Variants in CSMD1 observed in about 807,000 individuals in gnomAD.
CSMD1 encodes the protein CUB and sushi domain-containing protein 1.
CSMD1 carries 213 observed loss-of-function variants against 417.5 expected under a neutral mutation model. That is an observed-to-expected ratio of 0.51 (90% confidence interval 0.46 to 0.57). The LOEUF (loss-of-function observed/expected upper bound fraction) is 0.57, where lower values mean the gene tolerates loss of function less well. Ranked by LOEUF, CSMD1 falls within the 20% of genes least tolerant of loss-of-function variation. CSMD1 has a pLI of 0.00. For synonymous variants in CSMD1, 2,862 were observed against 1,736.8 expected (o/e 1.65, Z -16.11); for missense variants, 6,923 against 4,529.7 (o/e 1.53, Z -15.17).
At chr8:4,058,367 T>G (rs1160971002) in intron 3 of CSMD1, among the ~76,000 whole-genome samples, 1 of 152,156 alleles carries the variant, frequency 6.6e-6, no homozygotes, top group Non-Finnish European at 1.5e-5. Flanking sequence ...ATGCTTGTGA[T>G]TTTTGTCCAT....
intron 1 of CSMD1, among the ~76,000 whole-genome samples, chr8:4,820,995 C>T (rs1193996970): frequency 2.0e-5 from 3 of 152,098 alleles, no homozygotes; most frequent in African/African-American, 7.2e-5. Context: ...ACAATCTGCA[C>T]GTAGTCATTA....
chr8:3,407,217 T>C (rs7014229), intron 14 of CSMD1, among the ~76,000 whole-genome samples: 78,801 of 150,458 alleles, frequency 0.52, 20,909 homozygotes, highest in Middle Eastern at 0.64. Flanking sequence ...GGTGAAATAA[T>C]AGATAAATGG....
At chr8:4,176,520 A>T (rs910978352) in intron 3 of CSMD1, among the ~76,000 whole-genome samples, 3 of 152,066 alleles carry the variant, frequency 2.0e-5, no homozygotes, top group Admixed American at 6.5e-5. Context: ...TCACTGTGAC[A>T]TATCAATCAC....
At chr8:4,456,705 G>C (rs899611355) in intron 2 of CSMD1, among the ~76,000 whole-genome samples, 1 of 152,076 alleles carries the variant, frequency 6.6e-6, no homozygotes, top group African/African-American at 2.4e-5. Context: ...GGAAGAAACA[G>C]GCATGTGGAC....
chr8:4,719,882 G>A (rs551814606), intron 1 of CSMD1, among the ~76,000 whole-genome samples: 1 of 152,078 alleles, frequency 6.6e-6, no homozygotes, highest in East Asian at 1.9e-4. Flanking sequence ...CCTATGCAGG[G>A]CTCACATATC....
chr8:4,226,823 GAAATGC>G (rs1170440763), intron 3 of CSMD1, among the ~76,000 whole-genome samples: 2 of 152,312 alleles, frequency 1.3e-5, no homozygotes, highest in East Asian at 3.9e-4. Context: ...TTGGGTTGTT[GAAATGC>G]AAATGCAAAT....
At chr8:4,422,103 C>T (rs1428669268) in intron 2 of CSMD1, among the ~76,000 whole-genome samples, 1 of 152,026 alleles carries the variant, frequency 6.6e-6, no homozygotes, top group Non-Finnish European at 1.5e-5. Flanking sequence ...TGAAAAAATA[C>T]ATAATATGAA....
intron 3 of CSMD1, among the ~76,000 whole-genome samples, chr8:4,166,587 G>A (rs1042642262): frequency 1.4e-4 from 22 of 152,074 alleles, no homozygotes; most frequent in African/African-American, 5.3e-4. Context: ...TGATATAATG[G>A]ACTTTGGGGA....
intron 7 of CSMD1, among the ~76,000 whole-genome samples, chr8:3,618,399 C>G (rs1043152900): frequency 1.3e-5 from 2 of 152,096 alleles, no homozygotes; most frequent in African/African-American, 2.4e-5. Context: ...TGGTTTCATT[C>G]TTAGTAAGTA....
chr8:4,194,139 A>G (rs1384685586), intron 3 of CSMD1, among the ~76,000 whole-genome samples: 1 of 152,184 alleles, frequency 6.6e-6, no homozygotes, highest in Non-Finnish European at 1.5e-5. Context: ...AATGATAAAA[A>G]TGACCAAGAA....
In CSMD1 at chr8:3,476,715, C is replaced by T. The variant is rs761841760; in HGVS notation, c.1449-7891G>A. ...GGCAGATTACTTGAGGTCAGGAGTT[C>T]GAGACCAGCCTGGCCAACATGATCA... On this transcript the variant is annotated intron_variant, in intron 11 of 69. Coordinates refer to ENST00000635120, the MANE Select transcript of CSMD1 (RefSeq NM_033225.6). 4.0e-5 allele frequency among the ~76,000 whole-genome samples: 6 copies of T among 151,690 alleles called. No individual in the cohort carries two copies. The East Asian group carries it at 7.8e-4, about 20-fold the overall frequency.
chr8:3,236,430 G>A (rs1799161456), intron 26 of CSMD1, among the ~76,000 whole-genome samples: 1 of 152,138 alleles, frequency 6.6e-6, no homozygotes, highest in Non-Finnish European at 1.5e-5. Context: ...CCAATAAGAA[G>A]GCTTGAGGAA....
At chr8:4,078,525 A>C (rs1585265785) in intron 3 of CSMD1, among the ~76,000 whole-genome samples, 1 of 151,842 alleles carries the variant, frequency 6.6e-6, no homozygotes, top group East Asian at 1.9e-4. Context: ...CGGCCTCCCA[A>C]AGTGCTGGGA....
chr8:3,233,411 C>A (rs1255530700), intron 26 of CSMD1, among the ~76,000 whole-genome samples: 1 of 152,192 alleles, frequency 6.6e-6, no homozygotes, highest in African/African-American at 2.4e-5. Context: ...GGTCCCTCGA[C>A]CTTGGACTTC....
intron 40 of CSMD1, among the ~76,000 whole-genome samples, chr8:3,147,387 T>A (rs1818908715): frequency 6.6e-6 from 1 of 152,204 alleles, no homozygotes; most frequent in South Asian, 2.1e-4. Flanking sequence ...TGTGAAAACC[T>A]TTGTGCATTT....
intron 1 of CSMD1, among the ~76,000 whole-genome samples, chr8:4,827,032 T>C (rs55896437): frequency 0.021 from 3,213 of 152,204 alleles, 62 homozygotes; most frequent in Non-Finnish European, 0.034. Context: ...TTTATGTTTG[T>C]ATCCATGGAT....
At chr8:4,284,271 G>C (rs1585156679) in intron 3 of CSMD1, among the ~76,000 whole-genome samples, 1 of 152,082 alleles carries the variant, frequency 6.6e-6, no homozygotes, top group African/African-American at 2.4e-5. Context: ...GCGAGGCTGA[G>C]ACACAAGAAT....
intron 3 of CSMD1, among the ~76,000 whole-genome samples, chr8:4,260,071 G>C (rs528204650): frequency 2.0e-5 from 3 of 151,552 alleles, no homozygotes; most frequent in Admixed American, 1.3e-4. Context: ...TTGTCTTAGA[G>C]ATCACAAACA....
chr8:3,993,449 G>A (rs142226344), intron 5 of CSMD1, among the ~76,000 whole-genome samples: 7 of 152,222 alleles, frequency 4.6e-5, no homozygotes, highest in African/African-American at 9.6e-5. Flanking sequence ...CCATTCAAGC[G>A]TTCTTTGAAA....
Sources: gnomAD v4.1 joint callset for allele counts (sites outside exome capture counted in the v4.1 genomes callset) on GRCh38, gnomAD v4.1.1 for gene constraint, MANE v1.5 for transcripts, NCBI Gene and HGNC (gene_info 2026-07-23, HGNC 2026-07-21) for gene names.